The following HS3ST3B1 variants were observed in gnomAD, a reference collection of about 807,000 sequenced individuals.
HS3ST3B1 encodes heparan sulfate glucosamine 3-O-sulfotransferase 3B1.
Under a neutral mutation model 21.3 loss-of-function variants are expected in HS3ST3B1, and 13 were observed. The ratio of observed to expected loss-of-function variants is 0.61; its 90% CI spans 0.40 to 0.97. The LOEUF is 0.97. HS3ST3B1 is among the 50% of genes least tolerant of loss of function. The probability of loss-of-function intolerance (pLI) is 0.00; values close to 1 mark genes in which losing one functional copy is unlikely to be tolerated. For missense variants in HS3ST3B1, 459 were observed against 554.8 expected, an observed-to-expected ratio of 0.83 and a Z score of 1.73; for synonymous variants, 234 against 254.8, an observed-to-expected ratio of 0.92 and a Z score of 0.78.
In HS3ST3B1 at chr17:14,301,253, G is replaced by T; in HGVS notation, c.-266G>T. 2.1e-6 allele frequency: 1 copy of T among 480,580 alleles called. No individual in the cohort carries two copies. Among genetic ancestry groups the T allele is most frequent in the Non-Finnish European group, 3.6e-6 (1 of 275,518 alleles). 29.8% of individuals were successfully genotyped at this position (480,580 alleles called of 1,614,324 possible). ...AGCGCGTCGTCGCGCCCCGGGAGCA[G>T]ACCCTCGCCCAGCAGTTACCGCCGT... is the stretch of plus-strand genomic sequence containing the variant. On this transcript the variant is annotated 5_prime_UTR_variant, in exon 1 of 2. Coordinates refer to ENST00000360954, the MANE Select transcript of HS3ST3B1 (RefSeq NM_006041.3).
At chr17:14,338,184 G>GT (rs1910246597) in intron 1 of HS3ST3B1, among the ~76,000 whole-genome samples, 1 of 151,782 alleles carries the variant, frequency 6.6e-6, no homozygotes, top group African/African-American at 2.4e-5. Context: ...GGAGTGCAGT[G>GT]GTGCAATCTC....
At chr17:14,326,773 TA>T (rs1597595859) in intron 1 of HS3ST3B1, among the ~76,000 whole-genome samples, 2 of 151,790 alleles carry the variant, frequency 1.3e-5, no homozygotes, top group Non-Finnish European at 2.9e-5. Flanking sequence ...ACAAAAAAAC[TA>T]GCTGGACGTG....
At chr17:14,319,647 T>C (rs912453172) in intron 1 of HS3ST3B1, among the ~76,000 whole-genome samples, 2 of 152,084 alleles carry the variant, frequency 1.3e-5, no homozygotes, top group African/African-American at 4.8e-5. Context: ...TACATTCTAG[T>C]AGGGAGATGG....
intron 1 of HS3ST3B1, among the ~76,000 whole-genome samples, chr17:14,341,883 C>T (rs1373851550): frequency 4.6e-5 from 7 of 152,140 alleles, no homozygotes; most frequent in Non-Finnish European, 1.0e-4. Flanking sequence ...AAATAAGTTG[C>T]GAGCCGAGAC....
rs71352467 is a variant in HS3ST3B1, at chr17:14,346,247, CTTTTTTT to C, written c.*617_*623del. On this transcript the variant is annotated 3_prime_UTR_variant, in exon 2 of 2. Transcript: ENST00000360954. ...AGGGACATCCACATCCTTTTTTTTTCTTTTTTTTTTTTTTTTTTTTTTGAGATGGAGT... is the reference window on the plus strand; with the variant it reads ...AGGGACATCCACATCCTTTTTTTTTCTTTTTTTTTTTTTTTGAGATGGAGT... The C allele has an allele frequency of 2.1e-4, 19 of 90,340 alleles. No homozygotes were observed. Among genetic ancestry groups the C allele is most frequent in the South Asian group, 8.4e-4 (2 of 2,370 alleles). The allele number at this position is 90,340 out of a possible 1,614,324, so 5.6% of individuals were successfully genotyped here.
intron 1 of HS3ST3B1, among the ~76,000 whole-genome samples, chr17:14,334,232 A>G (rs939758583): frequency 2.0e-5 from 3 of 151,678 alleles, no homozygotes; most frequent in Non-Finnish European, 4.4e-5. Context: ...TTTGATTGGG[A>G]GAAGAATCTT....
intron 1 of HS3ST3B1, chr17:14,327,232 G>A (rs1461720364): frequency 6.6e-6 from 1 of 152,302 alleles, no homozygotes; most frequent in Non-Finnish European, 1.5e-5. Flanking sequence ...GGATGCTTGG[G>A]AATGCAAACT....
At chr17:14,327,830 T>C (rs113472042) in intron 1 of HS3ST3B1, 1 of 152,332 alleles carries the variant, frequency 6.6e-6, no homozygotes, top group African/African-American at 2.4e-5. Flanking sequence ...TTTTTAAAGA[T>C]AGTCTTTAAA....
rs535381341 is a variant in HS3ST3B1 at position 14,303,099 on chromosome 17, G to C, written c.554+1027G>C. Among the ~76,000 whole-genome samples, 5 of 152,250 alleles carry C rather than the reference G, an allele frequency of 3.3e-5. No homozygotes were observed. In the East Asian group the frequency reaches 9.7e-4, roughly 30 times the overall value. ...GTTGGGTTGCCCGAGCTTCGGGTAA[G>C]GCGCGAGTGGGCAGGAGGTCTAGAT... is the stretch of plus-strand genomic sequence containing the variant. On this transcript the variant is annotated intron_variant, in intron 1 of 1. Transcript: ENST00000360954. This position sits in a 1 kb window ranked among gnomAD's most constrained non-coding sequence, Gnocchi z 5.7.
At position 14,349,075 on chromosome 17, in the gene HS3ST3B1, TG is replaced by T. The variant is rs1910653768; in HGVS notation, c.*3430del. ...TAGAAACAGTACGTATCTAAGATGC[TG>T]ACACAGAAGCTAATGTGACTTTTCA... is the stretch of plus-strand genomic sequence containing the variant. On this transcript the variant is annotated 3_prime_UTR_variant, in exon 2 of 2. Coordinates refer to ENST00000360954, the MANE Select transcript of HS3ST3B1 (RefSeq NM_006041.3). 6.6e-6 allele frequency: 1 copy of T among 152,192 alleles called. No homozygotes were observed. The highest frequency in any genetic ancestry group is 1.9e-4 in the East Asian group (1 of 5,194). The allele number at this position is 152,192 out of a possible 1,614,324, so 9.4% of individuals were successfully genotyped here. A position where few individuals can be genotyped will look rare whatever the true frequency, so the allele number is the denominator to read the frequency against.
At chr17:14,320,798 G>C (rs888099130) in intron 1 of HS3ST3B1, among the ~76,000 whole-genome samples, 1 of 152,176 alleles carries the variant, frequency 6.6e-6, no homozygotes, top group Non-Finnish European at 1.5e-5. Context: ...CAGCTCCGCA[G>C]ACCTACAATA....
chr17:14,333,792 G>C (rs1251836875), intron 1 of HS3ST3B1, among the ~76,000 whole-genome samples: 1 of 152,118 alleles, frequency 6.6e-6, no homozygotes, highest in Non-Finnish European at 1.5e-5. Flanking sequence ...TAGAGGCTGA[G>C]AACCTTTTTT....
chr17:14,334,120 TA>T, intron 1 of HS3ST3B1, among the ~76,000 whole-genome samples: 1 of 152,096 alleles, frequency 6.6e-6, no homozygotes, highest in East Asian at 1.9e-4. Flanking sequence ...GTATTCTAGC[TA>T]AACCAACTCA....
At chr17:14,330,746 A>G (rs1201240208) in intron 1 of HS3ST3B1, among the ~76,000 whole-genome samples, 2 of 152,142 alleles carry the variant, frequency 1.3e-5, no homozygotes, top group Non-Finnish European at 2.9e-5. Flanking sequence ...AGCTGGGAGC[A>G]GGGAGGGGAC....
intron 1 of HS3ST3B1, among the ~76,000 whole-genome samples, chr17:14,323,915 T>G (rs1317513143): frequency 6.6e-6 from 1 of 152,188 alleles, no homozygotes; most frequent in Non-Finnish European, 1.5e-5. Flanking sequence ...GCCCAGGGAA[T>G]TGGAAATTGA....
At chr17:14,313,615 G>A (rs1254917675) in intron 1 of HS3ST3B1, among the ~76,000 whole-genome samples, 1 of 152,144 alleles carries the variant, frequency 6.6e-6, no homozygotes, top group Non-Finnish European at 1.5e-5. Flanking sequence ...TTGTTGCCCA[G>A]GCTGGAATGC....
At chr17:14,341,479 A>G (rs1486767791) in intron 1 of HS3ST3B1, among the ~76,000 whole-genome samples, 1 of 152,180 alleles carries the variant, frequency 6.6e-6, no homozygotes, top group Non-Finnish European at 1.5e-5. Flanking sequence ...CAGGCTGGGT[A>G]CCAAAGCTAA....
chr17:14,307,904 G>T (rs1413462161), intron 1 of HS3ST3B1, among the ~76,000 whole-genome samples: 4 of 152,110 alleles, frequency 2.6e-5, no homozygotes, highest in African/African-American at 4.8e-5. Context: ...TCAATCCTAG[G>T]CTGTTGGGAT....
rs1308558957 is a variant in HS3ST3B1, at chr17:14,301,746, C to G, written c.228C>G (p.Ala76=). The change falls in exon 1 of 2, where the codon GCC becomes GCG. Residue 76 remains alanine, a synonymous_variant. Coordinates refer to ENST00000360954, the MANE Select transcript of HS3ST3B1 (RefSeq NM_006041.3). ...SGSRAAHDPP[A]LATAPDGTPP... ...CCCGCGCCGCACACGACCCGCCAGC[C>G]CTGGCCACAGCTCCGGACGGGACGC... is the stretch of plus-strand genomic sequence containing the variant. 6.3e-7 allele frequency: 1 copy of G among 1,596,686 alleles called. No individual in the cohort carries two copies. Among genetic ancestry groups the G allele is most frequent in the Admixed American group, 1.7e-5 (1 of 58,004 alleles).
Sources: allele counts gnomAD v4.1 joint callset (sites outside exome capture counted in the v4.1 genomes callset), GRCh38; gene constraint gnomAD v4.1.1; non-coding constraint Gnocchi (gnomAD v3.1); transcripts MANE v1.5; gene names NCBI Gene and HGNC (gene_info 2026-07-23, HGNC 2026-07-21).